Variants in ATG7 observed in about 807,000 individuals in gnomAD.
ATG7 encodes autophagy related 7, also known as ubiquitin-like modifier-activating enzyme ATG7.
A neutral mutation model predicts 82.4 loss-of-function variants in ATG7; 70 were observed. That is an observed-to-expected ratio of 0.85 (90% CI 0.70 to 1.04). The LOEUF is 1.04. Ranked by LOEUF, ATG7 falls within the 50% of genes least tolerant of loss-of-function variation. The probability of loss-of-function intolerance (pLI) is 0.00; values close to 1 mark genes in which losing one functional copy is unlikely to be tolerated. For synonymous variants in ATG7, 287 were observed against 313.0 expected, an observed-to-expected ratio of 0.92 and a Z score of 0.88; for missense variants, 792 against 864.3, an observed-to-expected ratio of 0.92 and a Z score of 1.05.
chr3:11,503,625 G>A lies in ATG7; in HGVS notation c.2080-51186G>A, dbSNP rs772684963. On this transcript the variant is annotated intron_variant, in intron 20 of 20. Transcript: ENST00000693202. ...ACAAAAATTAGCTGGGCATGGTGGC[G>A]CGTGCCTGTAATCCCAGCTACTCAG... 1.1e-3 allele frequency among the ~76,000 whole-genome samples: 167 copies of A among 151,576 alleles called. 3 individuals are homozygous for A. The highest frequency in any genetic ancestry group is 6.0e-4 in the African/African-American group (25 of 41,338).
chr3:11,458,186 T>G (rs1420835936), intron 20 of ATG7, among the ~76,000 whole-genome samples: 1 of 152,174 alleles, frequency 6.6e-6, no homozygotes, highest in Non-Finnish European at 1.5e-5. Context: ...ATTTCTTCAT[T>G]TTTTTCCTAT....
chr3:11,420,236 A>T (rs1057125544), intron 19 of ATG7, among the ~76,000 whole-genome samples: 27 of 152,342 alleles, frequency 1.8e-4, no homozygotes, highest in African/African-American at 6.5e-4. Context: ...GAACCCTTAC[A>T]TGATTAAATA....
At chr3:11,536,848 T>A (rs2125005319) in intron 20 of ATG7, among the ~76,000 whole-genome samples, 1 of 152,292 alleles carries the variant, frequency 6.6e-6, no homozygotes, top group East Asian at 1.9e-4. Context: ...TAGGGTGAAC[T>A]TAATGTTGTG....
rs1361019838 is a variant in ATG7 at position 11,298,770 on chromosome 3, G to A, written c.75G>A (p.Gly25=). ...FAPFSSALDV[G]FWHELTQKKL... is the part of the protein sequence containing the mutation. ...CTTTTAGTAGTGCCTTGGATGTTGG[G>A]TTTTGGCATGAGTTGACCCAGAAGA... Residue 25 remains glycine, a synonymous_variant, in exon 4 of 21, where the codon GGG becomes GGA. Transcript: ENST00000693202. The A allele has an allele frequency of 5.0e-6, 8 of 1,614,056 alleles. No individual in the cohort carries two copies. Among genetic ancestry groups the A allele is most frequent in the South Asian group, 1.1e-5 (1 of 91,090 alleles).
chr3:11,408,451 T>G lies in ATG7; in HGVS notation c.1957-18353T>G, dbSNP rs116174753. Among the ~76,000 whole-genome samples the G allele has an allele frequency of 5.5e-3, 838 of 152,352 alleles. 5 individuals are homozygous for G. Among genetic ancestry groups the G allele is most frequent in the Non-Finnish European group, 8.3e-3 (565 of 68,036 alleles). On this transcript the variant is annotated intron_variant, in intron 19 of 20. Transcript: ENST00000693202. Reference sequence around the variant, plus strand: ...GCCTGTTACCCAGTTCCATATTTGCTTCCACATTTTGGGTATCTTTTCAGC... The same window carrying G: ...GCCTGTTACCCAGTTCCATATTTGCGTCCACATTTTGGGTATCTTTTCAGC...
intron 10 of ATG7, 119 bp downstream of exon 10, chr3:11,331,547 A>G: frequency 3.3e-6 from 3 of 903,548 alleles, no homozygotes; most frequent in Non-Finnish European, 5.3e-6. Context: ...CATTTTGGGC[A>G]TGGAAACCAG....
At position 11,331,299 on chromosome 3, in the gene ATG7, C is replaced by CA. The variant is rs748865075; in HGVS notation, c.679-40dup. 6.7e-5 allele frequency: 97 copies of CA among 1,458,090 alleles called. 1 individual carries two copies. In the East Asian group the frequency reaches 2.1e-3, roughly 32 times the overall value. 90.3% of individuals were successfully genotyped at this position (1,458,090 alleles called of 1,614,324 possible). On this transcript the variant is annotated intron_variant, in intron 9 of 20. Transcript: ENST00000693202. ...AGCAATGTCTGTATTGTGAAGCTGA[C>CA]ATGATACTCGACTTACTCAGAAAGT...
chr3:11,372,831 T>TGCGCGC (rs1559490419), intron 18 of ATG7, among the ~76,000 whole-genome samples: 1 of 116,148 alleles, frequency 8.6e-6, no homozygotes, highest in Non-Finnish European at 1.8e-5. Context: ...CGTGTGCGTG[T>TGCGCGC]GTGTGCGTGC....
chr3:11,376,131 GA>G (rs2077399157), intron 18 of ATG7, among the ~76,000 whole-genome samples: 2 of 152,190 alleles, frequency 1.3e-5, no homozygotes. Flanking sequence ...TAAATAAGCA[GA>G]ATAGGTAAAA....
chr3:11,399,963 G>A (rs1443087331), intron 19 of ATG7, among the ~76,000 whole-genome samples: 1 of 152,166 alleles, frequency 6.6e-6, no homozygotes, highest in Non-Finnish European at 1.5e-5. Flanking sequence ...ACTATGTATA[G>A]AGTATAATGT....
chr3:11,549,358 G>A (rs2071568331), intron 20 of ATG7, among the ~76,000 whole-genome samples: 1 of 152,170 alleles, frequency 6.6e-6, no homozygotes, highest in Admixed American at 6.5e-5. Context: ...ATAGCATGTG[G>A]TGAGAGCACC....
chr3:11,402,758 T>C (rs893933739), intron 19 of ATG7, among the ~76,000 whole-genome samples: 1 of 152,198 alleles, frequency 6.6e-6, no homozygotes, highest in African/African-American at 2.4e-5. Context: ...TTCAGTGGTC[T>C]TTTTATATTA....
chr3:11,457,604 C>G (rs1295698787), intron 20 of ATG7, among the ~76,000 whole-genome samples: 7 of 152,078 alleles, frequency 4.6e-5, no homozygotes, highest in East Asian at 1.9e-4. Context: ...GGAAACATTT[C>G]CGGAACATAC....
intron 9 of ATG7, among the ~76,000 whole-genome samples, chr3:11,324,017 C>A (rs1318953834): frequency 6.6e-6 from 1 of 152,176 alleles, no homozygotes; most frequent in Non-Finnish European, 1.5e-5. Context: ...ACTTTTTCAG[C>A]AAATTGCTTG....
At position 11,338,065 on chromosome 3, in the gene ATG7, T is replaced by G. The variant is rs957879003; in HGVS notation, c.890-2580T>G. On this transcript the variant is annotated intron_variant, in intron 11 of 20. Transcript: ENST00000693202. ...ACAGATTATTTGATCACCCAGGTAC[T>G]AATACCTAGTACCTAGTATTTTTTC... Among the ~76,000 whole-genome samples, 3 of 152,184 alleles carry G rather than the reference T, an allele frequency of 2.0e-5. No individual in the cohort carries two copies. In the East Asian group the frequency reaches 5.8e-4, roughly 29 times the overall value.
intron 18 of ATG7, among the ~76,000 whole-genome samples, chr3:11,371,548 C>G (rs1308767501): frequency 6.6e-6 from 1 of 150,458 alleles, no homozygotes; most frequent in Non-Finnish European, 1.5e-5. Context: ...GGTCTTAAAT[C>G]AGAAGACAGC....
At chr3:11,406,416 C>T (rs937659325) in intron 19 of ATG7, among the ~76,000 whole-genome samples, 1 of 152,042 alleles carries the variant, frequency 6.6e-6, no homozygotes, top group African/African-American at 2.4e-5. Flanking sequence ...GATTCTCCTG[C>T]CTCAGTCCCC....
chr3:11,518,040 G>A (rs1354604418), intron 20 of ATG7, among the ~76,000 whole-genome samples: 1 of 152,194 alleles, frequency 6.6e-6, no homozygotes, highest in African/African-American at 2.4e-5. Context: ...AATATAGAAT[G>A]TACAGGCTCT....
At chr3:11,364,885 G>GA (rs2076498221) in intron 18 of ATG7, 151 bp downstream of exon 18, 2 of 757,146 alleles carry the variant, frequency 2.6e-6, no homozygotes, top group Non-Finnish European at 4.3e-6. Flanking sequence ...TGACCACCTG[G>GA]AAGGTATTCC....
Sources: gnomAD v4.1 joint callset for allele counts (sites outside exome capture counted in the v4.1 genomes callset) on GRCh38, gnomAD v4.1.1 for gene constraint, MANE v1.5 for transcripts, NCBI Gene and HGNC (gene_info 2026-07-23, HGNC 2026-07-21) for gene names.